CFAP251: variants seen among roughly 807,000 people sequenced by gnomAD.
The protein encoded by CFAP251 is cilia and flagella associated protein 251.
A neutral mutation model predicts 126.7 loss-of-function variants in CFAP251; 93 were observed. The observed-to-expected ratio is 0.73, with a 90% CI of 0.62 to 0.87. CFAP251 has a LOEUF of 0.87. Ranked by LOEUF, CFAP251 falls within the 40% of genes least tolerant of loss-of-function variation. The pLI, the probability that CFAP251 is intolerant of heterozygous loss-of-function variation, is 0.00. For synonymous variants in CFAP251, 503 were observed against 506.9 expected (o/e 0.99, Z 0.10); for missense variants, 1,287 against 1,389.2 (o/e 0.93, Z 1.17).
At chr12:121,937,032 C>G (rs139906692) in intron 5 of CFAP251, among the ~76,000 whole-genome samples, 98 of 152,340 alleles carry the variant, frequency 6.4e-4, no homozygotes, top group African/African-American at 2.3e-3. Flanking sequence ...AAGAAAGTGA[C>G]TTTCCCATTT....
chr12:121,938,198 G>C (rs1044167871), intron 5 of CFAP251, among the ~76,000 whole-genome samples: 2 of 151,702 alleles, frequency 1.3e-5, no homozygotes, highest in Non-Finnish European at 2.9e-5. Flanking sequence ...GTAGAGACAG[G>C]GTCCTGCTAT....
chr12:121,958,728 G>A (rs993425231), intron 12 of CFAP251, among the ~76,000 whole-genome samples: 7 of 152,216 alleles, frequency 4.6e-5, no homozygotes, highest in Non-Finnish European at 8.8e-5. Context: ...TGGATGAGGC[G>A]CCTTCTCTCT....
intron 17 of CFAP251, chr12:121,968,832 A>G (rs895870140): frequency 3.1e-5 from 30 of 952,964 alleles, no homozygotes; most frequent in Non-Finnish European, 3.7e-5. Flanking sequence ...CACCTAGTAC[A>G]GAGCAAAGTA....
At chr12:121,929,626 T>C (rs1880596864) in intron 3 of CFAP251, among the ~76,000 whole-genome samples, 1 of 151,656 alleles carries the variant, frequency 6.6e-6, no homozygotes, top group Non-Finnish European at 1.5e-5. Flanking sequence ...TGAAACCCCC[T>C]GTCCTCCACC....
chr12:121,950,291 T>G (rs1881474238), intron 8 of CFAP251: 1 of 152,214 alleles, frequency 6.6e-6, no homozygotes, highest in Non-Finnish European at 1.5e-5. Context: ...CAGAGTAAAC[T>G]GGTGGTTTTC....
intron 19 of CFAP251, among the ~76,000 whole-genome samples, chr12:121,981,326 T>A (rs560337343): frequency 6.6e-6 from 1 of 150,826 alleles, no homozygotes; most frequent in South Asian, 2.1e-4. Flanking sequence ...AAAAAAAAAA[T>A]AGCTGTAGTG....
rs748697571 is a variant in CFAP251, at chr12:121,942,960, A to G, written c.1176A>G (p.Thr392=). ...ETPACTLELP[T]EYGVQNYVTF... is the part of the protein sequence containing the mutation. ...CAGCATGCACTCTCGAACTCCCCACAGAGTACGGTGTTCAGGTGAGTTCAG... is the reference window on the plus strand; with the variant it reads ...CAGCATGCACTCTCGAACTCCCCACGGAGTACGGTGTTCAGGTGAGTTCAG... Residue 392 remains threonine, a synonymous_variant, in exon 7 of 22, where the codon ACA becomes ACG. Coordinates refer to ENST00000288912, the MANE Select transcript of CFAP251 (RefSeq NM_144668.6). The G allele has an allele frequency of 3.1e-6, 5 of 1,614,196 alleles. No homozygotes were observed. Among genetic ancestry groups the G allele is most frequent in the Admixed American group, 1.7e-5 (1 of 60,016 alleles).
chr12:121,962,370 C>G (rs1273938178), intron 15 of CFAP251, among the ~76,000 whole-genome samples: 1 of 152,080 alleles, frequency 6.6e-6, no homozygotes, highest in African/African-American at 2.4e-5. Flanking sequence ...TGTGCAGAAT[C>G]CAGGAAGGAC....
chr12:121,964,716 A>G (rs890185288), intron 15 of CFAP251, among the ~76,000 whole-genome samples: 6 of 151,772 alleles, frequency 4.0e-5, no homozygotes, highest in Non-Finnish European at 7.4e-5. Context: ...CCTGGCCAAC[A>G]TGGTGAAACC....
chr12:121,990,760 C>G (rs1360277057), intron 19 of CFAP251, among the ~76,000 whole-genome samples: 1 of 152,152 alleles, frequency 6.6e-6, no homozygotes, highest in Non-Finnish European at 1.5e-5. Flanking sequence ...ACACCTGGGC[C>G]CCAGCCTTGT....
rs1431530850 is a variant in CFAP251 at position 121,993,737 on chromosome 12, C to T, written c.3007-5979C>T. Among the ~76,000 whole-genome samples, 6 of 151,310 alleles carry T rather than the reference C, an allele frequency of 4.0e-5. No individual in the cohort carries two copies. In the East Asian group the frequency reaches 5.9e-4, roughly 15 times the overall value. ...GAGGAGACCCTCTGCCTGGCAACCA[C>T]CCCGTCTGAGAAGTGAGGAGCCCCT... On this transcript the variant is annotated intron_variant, in intron 19 of 21. Coordinates refer to ENST00000288912, the MANE Select transcript of CFAP251 (RefSeq NM_144668.6).
At chr12:121,993,434 G>T (rs200431203) in intron 19 of CFAP251, among the ~76,000 whole-genome samples, 26 of 144,096 alleles carry the variant, frequency 1.8e-4, no homozygotes, top group African/African-American at 4.7e-4. Context: ...GCCCATCGTC[G>T]GGGATGTGAG....
intron 19 of CFAP251, among the ~76,000 whole-genome samples, chr12:121,986,112 C>A (rs1031221238): frequency 4.6e-5 from 7 of 152,110 alleles, no homozygotes; most frequent in Non-Finnish European, 7.4e-5. Flanking sequence ...CTGTCTCAGC[C>A]TCCCGAGTAG....
At chr12:121,990,505 T>G (rs1412998126) in intron 19 of CFAP251, among the ~76,000 whole-genome samples, 1 of 152,138 alleles carries the variant, frequency 6.6e-6, no homozygotes, top group Non-Finnish European at 1.5e-5. Context: ...CTCCTCCTCA[T>G]GCTTGTTTCC....
At chr12:121,956,703 C>T (rs1257112055) in intron 10 of CFAP251, among the ~76,000 whole-genome samples, 1 of 152,136 alleles carries the variant, frequency 6.6e-6, no homozygotes, top group African/African-American at 2.4e-5. Flanking sequence ...ACCATGTTGG[C>T]CAGACTGGTC....
At chr12:121,919,272 A>G (rs1880058952) in intron 1 of CFAP251, among the ~76,000 whole-genome samples, 2 of 152,078 alleles carry the variant, frequency 1.3e-5, no homozygotes, top group South Asian at 4.1e-4. Context: ...GAGTTCTCTT[A>G]TTCTAATGTC....
Position 121,938,052 on chromosome 12 carries a change from G to A in CFAP251, c.998+3696G>A, listed in dbSNP as rs371998888. ...CAGGGTCTCACTCTATCACCCAGGCGGGAGTGCAGTGGTGTGATCATGGCT... is the reference window on the plus strand; with the variant it reads ...CAGGGTCTCACTCTATCACCCAGGCAGGAGTGCAGTGGTGTGATCATGGCT... On this transcript the variant is annotated intron_variant, in intron 5 of 21. Coordinates refer to ENST00000288912, the MANE Select transcript of CFAP251 (RefSeq NM_144668.6). Among the ~76,000 whole-genome samples, 58 of 151,768 alleles carry A rather than the reference G, an allele frequency of 3.8e-4. No homozygotes were observed. In the East Asian group the frequency reaches 5.2e-3, roughly 14 times the overall value.
intron 2 of CFAP251, among the ~76,000 whole-genome samples, chr12:121,923,111 C>G (rs1217892400): frequency 6.6e-6 from 1 of 151,642 alleles, no homozygotes; most frequent in African/African-American, 2.4e-5. Context: ...TTATCTTTTC[C>G]TTTTCCCCCT....
At chr12:121,987,952 A>G (rs1170924083) in intron 19 of CFAP251, among the ~76,000 whole-genome samples, 3 of 152,138 alleles carry the variant, frequency 2.0e-5, no homozygotes, top group Non-Finnish European at 4.4e-5. Flanking sequence ...TTATTGCTGC[A>G]GGACGGGGAA....
Sources: allele counts gnomAD v4.1 joint callset (sites outside exome capture counted in the v4.1 genomes callset), GRCh38; gene constraint gnomAD v4.1.1; transcripts MANE v1.5; gene names NCBI Gene and HGNC (gene_info 2026-07-23, HGNC 2026-07-21).